C12orf43: variants seen among roughly 807,000 people sequenced by gnomAD.
The protein encoded by C12orf43 is protein CUSTOS.
Under a neutral mutation model 20.6 loss-of-function variants are expected in C12orf43, and 15 were observed. The ratio of observed to expected loss-of-function variants is 0.73; its 90% CI spans 0.49 to 1.12. C12orf43 has a LOEUF of 1.12. Among genes scored for constraint, C12orf43 ranks in the 50% most tolerant of loss-of-function variants. C12orf43 has a pLI of 0.00. For synonymous variants in C12orf43, 144 were observed against 130.8 expected (o/e 1.10, Z -0.69); for missense variants, 334 against 344.4 (o/e 0.97, Z 0.24).
intron 1 of C12orf43, among the ~76,000 whole-genome samples, chr12:121,014,314 AG>A (rs1422094318): frequency 6.6e-6 from 1 of 151,910 alleles, no homozygotes; most frequent in East Asian, 1.9e-4. Context: ...CCTTGGTAAC[AG>A]AGCGAGACTG....
At chr12:121,014,025 C>A (rs140197237) in intron 1 of C12orf43, among the ~76,000 whole-genome samples, 2 of 152,158 alleles carry the variant, frequency 1.3e-5, no homozygotes, top group Non-Finnish European at 1.5e-5. Context: ...TATTACTAGA[C>A]GCACTCAAGA....
Position 121,006,359 on chromosome 12 carries a change from G to T in C12orf43, c.323C>A (p.Ala108Glu). The T allele has an allele frequency of 6.2e-7, 1 of 1,614,104 alleles. No homozygotes were observed. The highest frequency in any genetic ancestry group is 8.5e-7 in the Non-Finnish European group (1 of 1,179,972). The change falls in exon 4 of 6, where the codon GCA (alanine) becomes GAA (glutamate). Residue 108 changes from alanine (A) to glutamate (E), a missense_variant. Coordinates refer to ENST00000288757, the MANE Select transcript of C12orf43 (RefSeq NM_022895.3). ...AGCGACTTTCTGTACCTTAGCTTTT[G>T]CTGGCTCCTTTGCTGCTTCTGAGAT... is the stretch of plus-strand genomic sequence containing the variant. ...ITISEAAKEP[A>E]KAKVQKVALE... is the part of the protein sequence containing the mutation.
Position 121,005,330 on chromosome 12 carries a change from G to A in C12orf43, c.362-237C>T, listed in dbSNP as rs928196350. Among the ~76,000 whole-genome samples, 3 of 152,016 alleles carry A rather than the reference G, an allele frequency of 2.0e-5. No individual in the cohort carries two copies. The highest frequency in any genetic ancestry group is 7.3e-5 in the African/African-American group (3 of 41,372). On this transcript the variant is annotated intron_variant, in intron 4 of 5. Coordinates refer to ENST00000288757, the MANE Select transcript of C12orf43 (RefSeq NM_022895.3). The surrounding 1 kb of genome is among the most constrained non-coding windows in gnomAD (Gnocchi z 5.6). Reference sequence around the variant, plus strand: ...CAAACAAAAAAAACAAAGGAGCAGAGTCAGCACCCCCAGATGCCAGCCCCT... The same window carrying A: ...CAAACAAAAAAAACAAAGGAGCAGAATCAGCACCCCCAGATGCCAGCCCCT...
rs760743601 is a variant in C12orf43 at position 121,004,338 on chromosome 12, T to G, written c.604A>C (p.Ser202Arg). 32 of 1,614,136 alleles carry G rather than the reference T, an allele frequency of 2.0e-5. No homozygotes were observed. In the East Asian group the frequency reaches 7.1e-4, roughly 36 times the overall value. Reference protein sequence around the residue: ...KLKKKAKKVASVDSAVAATTP... With the variant: ...KLKKKAKKVARVDSAVAATTP... ...GTGGCAGCGACAGCCGAGTCGACACTGGCCACCTTCTTGGCTTTCTTTTTC... is the reference window on the plus strand; with the variant it reads ...GTGGCAGCGACAGCCGAGTCGACACGGGCCACCTTCTTGGCTTTCTTTTTC... The change falls in exon 6 of 6, where the codon AGT becomes CGT. Residue 202 changes from serine (S) to arginine (R), a missense_variant. By Grantham distance (110) the Ser-to-Arg change is moderately radical. Coordinates refer to ENST00000288757, the MANE Select transcript of C12orf43 (RefSeq NM_022895.3). This position sits in a 1 kb window ranked among gnomAD's most constrained non-coding sequence, Gnocchi z 5.6.
At chr12:121,009,044 C>G (rs1878234513) in intron 3 of C12orf43, among the ~76,000 whole-genome samples, 1 of 152,194 alleles carries the variant, frequency 6.6e-6, no homozygotes. Flanking sequence ...ATGTAGATTG[C>G]AGTGTTTCTC....
rs182618441 is a variant in C12orf43 at position 121,001,418 on chromosome 12, G to A, written c.*2735C>T. 9.7e-5 allele frequency: 56 copies of A among 578,112 alleles called. No homozygotes were observed. The highest frequency in any genetic ancestry group is 6.7e-4 in the African/African-American group (36 of 53,674). The allele number at this position is 578,112 out of a possible 1,614,324, so 35.8% of individuals were successfully genotyped here. A position where few individuals can be genotyped will look rare whatever the true frequency, so the allele number is the denominator to read the frequency against. On this transcript the variant is annotated 3_prime_UTR_variant, in exon 6 of 6. Coordinates refer to ENST00000288757, the MANE Select transcript of C12orf43 (RefSeq NM_022895.3). ...ACAGGAGGGGGTCGTGGAGAGCTAG[G>A]AGCAAAGCCTGTTCATGGCAGATGT... is the stretch of plus-strand genomic sequence containing the variant.
intron 1 of C12orf43, chr12:121,012,537 ACT>A: frequency 1.4e-6 from 1 of 700,524 alleles, no homozygotes; most frequent in Non-Finnish European, 2.6e-6. Context: ...AAGTGGGTGA[ACT>A]CCAGATAGAT....
chr12:121,013,387 G>A (rs574940465), intron 1 of C12orf43, among the ~76,000 whole-genome samples: 2 of 152,328 alleles, frequency 1.3e-5, no homozygotes, highest in East Asian at 3.9e-4. Flanking sequence ...GCTGTGTGAT[G>A]CCGGGCAAGT....
rs926476923 is a variant in C12orf43, at chr12:121,002,875, CTTTTT to C, written c.*1273_*1277del. The stretch of plus-strand genomic sequence containing the variant: ...ACCATGCCCAACTAATTTTTGTATT[CTTTTT>C]TTTATAGAGACGAGGTTTCACCATG... On this transcript the variant is annotated 3_prime_UTR_variant, in exon 6 of 6. Coordinates refer to ENST00000288757, the MANE Select transcript of C12orf43 (RefSeq NM_022895.3). 6.4e-6 allele frequency: 1 copy of C among 157,402 alleles called. No individual in the cohort carries two copies. The highest frequency in any genetic ancestry group is 2.4e-5 in the African/African-American group (1 of 41,254). The allele number at this position is 157,402 out of a possible 1,614,324, so 9.8% of individuals were successfully genotyped here.
At position 121,004,575 on chromosome 12, in the gene C12orf43, T is replaced by A. The variant is rs2135864434; in HGVS notation, c.453-86A>T. On this transcript the variant is annotated intron_variant, in intron 5 of 5. Transcript: ENST00000288757. This position sits in a 1 kb window ranked among gnomAD's most constrained non-coding sequence, Gnocchi z 5.6. ...TCTCGCTGTCCTCCCTTGGTCCAGG[T>A]CACCAGAAGGTGGCCGCAGAGAGAG... 2.9e-6 allele frequency: 4 copies of A among 1,384,628 alleles called. No homozygotes were observed. Among genetic ancestry groups the A allele is most frequent in the Non-Finnish European group, 3.9e-6 (4 of 1,027,064 alleles). The allele number at this position is 1,384,628 out of a possible 1,614,324, so 85.8% of individuals were successfully genotyped here. A position where few individuals can be genotyped will look rare whatever the true frequency, so the allele number is the denominator to read the frequency against.
rs572445531 is a variant in C12orf43, at chr12:121,010,273, C to T, written c.287+555G>A. Among the ~76,000 whole-genome samples the T allele has an allele frequency of 5.9e-5, 9 of 152,290 alleles. No homozygotes were observed. The East Asian group carries it at 1.2e-3, about 20-fold the overall frequency. The stretch of plus-strand genomic sequence containing the variant: ...AGCCAAGATTGTGCGTGCCACTGCA[C>T]GCCAGCATGGGCGACAGAGTGAGAC... On this transcript the variant is annotated intron_variant, in intron 3 of 5. Coordinates refer to ENST00000288757, the MANE Select transcript of C12orf43 (RefSeq NM_022895.3).
intron 3 of C12orf43, 134 bp from the exon 4 acceptor site, chr12:121,006,528 G>T: frequency 1.3e-6 from 1 of 791,792 alleles, no homozygotes. Context: ...CTAGTAAGAG[G>T]GCTGATGGTC....
In C12orf43 at chr12:121,010,941, A is replaced by C; in HGVS notation, c.189-15T>G. 2 of 1,613,742 alleles carry C rather than the reference A, an allele frequency of 1.2e-6. No individual in the cohort carries two copies. Among genetic ancestry groups the C allele is most frequent in the Non-Finnish European group, 1.7e-6 (2 of 1,179,740 alleles). On this transcript the variant is annotated splice_polypyrimidine_tract_variant and intron_variant, in intron 2 of 5. Coordinates refer to ENST00000288757, the MANE Select transcript of C12orf43 (RefSeq NM_022895.3). ...TCACCTTATGCCTACGACACACACA[A>C]AGAGACCTCACTTCCTGCCCGCTCA...
At chr12:121,009,591 G>A (rs1878290141) in intron 3 of C12orf43, among the ~76,000 whole-genome samples, 1 of 152,142 alleles carries the variant, frequency 6.6e-6, no homozygotes, top group African/African-American at 2.4e-5. Context: ...GAGACCCCTC[G>A]CCCATGCCAC....
intron 3 of C12orf43, among the ~76,000 whole-genome samples, chr12:121,010,620 G>A (rs1270645414): frequency 6.6e-6 from 1 of 152,240 alleles, no homozygotes. Flanking sequence ...AGGCACACCT[G>A]TCTCCTTGCT....
At chr12:121,010,679 A>G in intron 3 of C12orf43, 149 bp downstream of exon 3, 1 of 462,056 alleles carries the variant, frequency 2.2e-6, no homozygotes, top group Non-Finnish European at 3.7e-6. Flanking sequence ...CAGGACCCAC[A>G]TGATAATGTT....
At position 121,005,509 on chromosome 12, in the gene C12orf43, G is replaced by A. The variant is rs901070604; in HGVS notation, c.362-416C>T. On this transcript the variant is annotated intron_variant, in intron 4 of 5. Coordinates refer to ENST00000288757, the MANE Select transcript of C12orf43 (RefSeq NM_022895.3). The surrounding 1 kb of genome is among the most constrained non-coding windows in gnomAD (Gnocchi z 5.6). The stretch of plus-strand genomic sequence containing the variant: ...GCCTGATGGAGCCAGTGGAGGGCGC[G>A]CTGGAGCAGGAGCCAGCAGCCACAT... Among the ~76,000 whole-genome samples, 1 of 152,232 alleles carries A rather than the reference G, an allele frequency of 6.6e-6. No individual in the cohort carries two copies. Among genetic ancestry groups the A allele is most frequent in the Admixed American group, 6.5e-5 (1 of 15,288 alleles).
intron 4 of C12orf43, chr12:121,006,094 T>C (rs1229298793): frequency 2.5e-5 from 12 of 485,956 alleles, no homozygotes; most frequent in Non-Finnish European, 3.3e-5. Context: ...TGTGTGTCTG[T>C]GGTCCCAGCT....
intron 3 of C12orf43, among the ~76,000 whole-genome samples, chr12:121,009,941 G>C (rs1333112201): frequency 1.3e-5 from 2 of 152,220 alleles, no homozygotes; most frequent in Non-Finnish European, 2.9e-5. Flanking sequence ...TTGCCCTCTT[G>C]TGGCGGGAAT....
Sources: gnomAD v4.1 joint callset for allele counts (sites outside exome capture counted in the v4.1 genomes callset) on GRCh38, gnomAD v4.1.1 for gene constraint, Gnocchi (gnomAD v3.1) non-coding constraint, MANE v1.5 for transcripts, NCBI Gene and HGNC (gene_info 2026-07-23, HGNC 2026-07-21) for gene names.